The following CENPC variants were observed in gnomAD, a reference collection of about 807,000 sequenced individuals.
CENPC encodes the protein centromere protein C, also known as CENP-C 1.
Under a neutral mutation model 112.1 loss-of-function variants are expected in CENPC, and 63 were observed. The observed-to-expected ratio is 0.56, with a 90% CI of 0.46 to 0.69. CENPC has a LOEUF of 0.69. CENPC is among the 30% of genes least tolerant of loss of function. The pLI is 0.00. For synonymous variants in CENPC, 333 were observed against 367.6 expected (o/e 0.91, Z 1.08); for missense variants, 1,000 against 1,103.8 (o/e 0.91, Z 1.33).
chr4:67,505,987 T>C (rs534112007), intron 11 of CENPC, among the ~76,000 whole-genome samples: 1 of 152,134 alleles, frequency 6.6e-6, no homozygotes, highest in East Asian at 1.9e-4. Context: ...GGTCCAGAAA[T>C]TGTCAGAGAT....
In CENPC at chr4:67,506,783, C is replaced by T. The variant is rs757145062; in HGVS notation, c.2051+5G>A. The T allele has an allele frequency of 2.5e-6, 4 of 1,585,158 alleles. No homozygotes were observed. The highest frequency in any genetic ancestry group is 1.3e-5 in the African/African-American group (1 of 74,336). ...ACAACTATTATCCTTACAATACACG[C>T]ATACCTTTCCTCTAAAACTGAAGTC... On this transcript the variant is annotated splice_donor_5th_base_variant and intron_variant, in intron 11 of 18. Coordinates refer to ENST00000273853, the MANE Select transcript of CENPC (RefSeq NM_001812.4).
intron 5 of CENPC, among the ~76,000 whole-genome samples, chr4:67,521,112 A>G (rs1433568684): frequency 1.3e-5 from 2 of 151,800 alleles, no homozygotes; most frequent in Admixed American, 1.3e-4. Context: ...GCTGTAACAA[A>G]AGATTTAAGT....
At position 67,493,881 on chromosome 4, in the gene CENPC, T is replaced by C. The variant is rs779613099; in HGVS notation, c.2290+3A>G. On this transcript the variant is annotated splice_donor_region_variant and intron_variant, in intron 14 of 18. Coordinates refer to ENST00000273853, the MANE Select transcript of CENPC (RefSeq NM_001812.4). ...CAGATATTATAACATAAATAAGTTT[T>C]ACCTGATGGCCTTCCTTGATAATCT... 2 of 1,601,492 alleles carry C rather than the reference T, an allele frequency of 1.2e-6. No homozygotes were observed. The highest frequency in any genetic ancestry group is 2.2e-5 in the South Asian group (2 of 90,120).
At chr4:67,524,182 T>C (rs1246481540) in intron 5 of CENPC, among the ~76,000 whole-genome samples, 1 of 151,882 alleles carries the variant, frequency 6.6e-6, no homozygotes, top group Non-Finnish European at 1.5e-5. Flanking sequence ...CAACCATCAA[T>C]ATGTGGAATA....
rs1321363739 is a variant in CENPC at position 67,468,881 on chromosome 4, G to C, written c.*3724C>G. The C allele has an allele frequency of 1.3e-5, 2 of 152,120 alleles. No homozygotes were observed. The highest frequency in any genetic ancestry group is 2.9e-5 in the Non-Finnish European group (2 of 68,018). 9.4% of individuals were successfully genotyped at this position (152,120 alleles called of 1,614,324 possible). A position where few individuals can be genotyped will look rare whatever the true frequency, so the allele number is the denominator to read the frequency against. ...TATAACTGCTTGGATGATCTTAAGG[G>C]CTTTATGCTGAGTGAGAAAAACCAA... On this transcript the variant is annotated 3_prime_UTR_variant, in exon 19 of 19. Transcript: ENST00000273853.
At chr4:67,521,942 G>T (rs145297898) in intron 5 of CENPC, among the ~76,000 whole-genome samples, 235 of 152,260 alleles carry the variant, frequency 1.5e-3, no homozygotes, top group African/African-American at 5.4e-3. Flanking sequence ...TGGAAAAAGA[G>T]ATACTGTTTA....
intron 17 of CENPC, among the ~76,000 whole-genome samples, chr4:67,487,713 T>C (rs994139613): frequency 2.6e-5 from 4 of 151,748 alleles, no homozygotes; most frequent in African/African-American, 4.9e-5. Context: ...TCTACATTAT[T>C]TAACTTTAAT....
At chr4:67,515,196 T>G (rs1339495941) in intron 7 of CENPC, among the ~76,000 whole-genome samples, 2 of 150,228 alleles carry the variant, frequency 1.3e-5, no homozygotes, top group Non-Finnish European at 2.9e-5. Context: ...CCGGATGTGG[T>G]GGCTCACGCC....
intron 13 of CENPC, among the ~76,000 whole-genome samples, chr4:67,494,684 T>C (rs575191254): frequency 2.0e-5 from 3 of 152,356 alleles, no homozygotes; most frequent in Admixed American, 2.0e-4. Context: ...ATCATGTATC[T>C]TGACTGGCAA....
At chr4:67,499,913 T>G (rs896519865) in intron 12 of CENPC, among the ~76,000 whole-genome samples, 1 of 152,156 alleles carries the variant, frequency 6.6e-6, no homozygotes, top group African/African-American at 2.4e-5. Flanking sequence ...ATTTCAATAT[T>G]GTGTCTCAGG....
chr4:67,534,349 G>A (rs1726651556), intron 4 of CENPC, among the ~76,000 whole-genome samples: 2 of 152,100 alleles, frequency 1.3e-5, no homozygotes, highest in African/African-American at 4.8e-5. Flanking sequence ...CCGGGAGGCA[G>A]AGATTGCAGT....
chr4:67,540,469 G>C (rs915996716), intron 3 of CENPC, among the ~76,000 whole-genome samples: 2 of 152,170 alleles, frequency 1.3e-5, no homozygotes, highest in Non-Finnish European at 2.9e-5. Flanking sequence ...AGGAGTTCGA[G>C]ACCAGACTAG....
rs757382960 is a variant in CENPC, at chr4:67,508,953, G to C, written c.1765C>G (p.Gln589Glu). 1.2e-6 allele frequency: 2 copies of C among 1,613,420 alleles called. No homozygotes were observed. The highest frequency in any genetic ancestry group is 1.7e-6 in the Non-Finnish European group (2 of 1,179,678). ...GCATTTAAAAACTTCTGTACTCTTT[G>C]GTTGCCTTTAGTTGCTGTCTTCTGC... ...KRQKTATKGN[Q>E]RVQKFLNAEG... Residue 589 changes from glutamine to glutamate, a missense_variant, in exon 10 of 19, where the codon CAA (glutamine) becomes GAA (glutamate). Coordinates refer to ENST00000273853, the MANE Select transcript of CENPC (RefSeq NM_001812.4).
intron 7 of CENPC, among the ~76,000 whole-genome samples, chr4:67,517,566 G>A (rs778465217): frequency 8.0e-5 from 12 of 149,886 alleles, no homozygotes; most frequent in Non-Finnish European, 1.8e-4. Flanking sequence ...GGCCGGGTGC[G>A]GTGGCTCAAG....
chr4:67,514,623 T>C lies in CENPC; in HGVS notation c.895A>G (p.Ile299Val). ...TCATCAATTATAAATTCATCCTCTA[T>C]CAACTTCGTATCATCGGGAGGACAC... ...HSCPPDDTKL[I>V]EDEFIIDESD... The change falls in exon 8 of 19, where the codon ATA becomes GTA. Residue 299 changes from isoleucine to valine, a missense_variant. By Grantham distance (29) the Ile-to-Val change is conservative. Transcript: ENST00000273853. 1 of 1,607,572 alleles carries C rather than the reference T, an allele frequency of 6.2e-7. No individual in the cohort carries two copies. The highest frequency in any genetic ancestry group is 2.2e-5 in the East Asian group (1 of 44,612).
At chr4:67,516,591 C>A (rs1282900925) in intron 7 of CENPC, among the ~76,000 whole-genome samples, 2 of 151,964 alleles carry the variant, frequency 1.3e-5, no homozygotes, top group Non-Finnish European at 2.9e-5. Flanking sequence ...AAAAAATATA[C>A]TCTCTAATGG....
At position 67,512,486 on chromosome 4, in the gene CENPC, G is replaced by A. The variant is rs766578179; in HGVS notation, c.1528C>T (p.Pro510Ser). The A allele has an allele frequency of 6.9e-6, 11 of 1,595,006 alleles. No individual in the cohort carries two copies. In the Admixed American group the frequency reaches 1.4e-4, roughly 20 times the overall value. Residue 510 changes from proline to serine, a missense_variant, in exon 9 of 19, where the codon CCT (proline) becomes TCT (serine). Coordinates refer to ENST00000273853, the MANE Select transcript of CENPC (RefSeq NM_001812.4). ...FSSESKNKLV[P>S]EEVTSTVTKS... ...GTGACAGTTGAAGTCACTTCTTCAGGTACAAGTTTGTTCTTGGACTCACTG... is the reference window on the plus strand; with the variant it reads ...GTGACAGTTGAAGTCACTTCTTCAGATACAAGTTTGTTCTTGGACTCACTG...
Position 67,512,376 on chromosome 4 carries a change from A to C in CENPC, c.1612+26T>G. 2.0e-6 allele frequency: 3 copies of C among 1,514,682 alleles called. No homozygotes were observed. In the South Asian group the frequency reaches 3.7e-5, roughly 19 times the overall value. The allele number at this position is 1,514,682 out of a possible 1,614,324, so 93.8% of individuals were successfully genotyped here. On this transcript the variant is annotated intron_variant, in intron 9 of 18. Transcript: ENST00000273853. ...TACAGAATGATTTTGTCTATGAACA[A>C]ACACAATTTAAATAAAAATACTTAC...
chr4:67,498,406 T>C (rs753454624), intron 12 of CENPC, among the ~76,000 whole-genome samples: 8 of 152,184 alleles, frequency 5.3e-5, no homozygotes, highest in Non-Finnish European at 1.2e-4. Flanking sequence ...GAAGTTTCCC[T>C]GGAGAATATA....
Sources: gnomAD v4.1 joint callset for allele counts (sites outside exome capture counted in the v4.1 genomes callset) on GRCh38, gnomAD v4.1.1 for gene constraint, MANE v1.5 for transcripts, NCBI Gene and HGNC (gene_info 2026-07-23, HGNC 2026-07-21) for gene names.